TDRD3: variants seen among roughly 807,000 people sequenced by gnomAD.
The protein encoded by TDRD3 is tudor domain containing 3.
Under a neutral mutation model 86.7 loss-of-function variants are expected in TDRD3, and 45 were observed. The observed-to-expected ratio is 0.52, with a 90% CI of 0.41 to 0.67. The LOEUF is 0.67. TDRD3 is among the 30% of genes least tolerant of loss of function. TDRD3 has a pLI of 0.00. For missense variants in TDRD3, 814 were observed against 889.0 expected (o/e 0.92, Z 1.07); for synonymous variants, 298 against 301.7 (o/e 0.99, Z 0.13).
chr13:60,453,685 G>A (rs575345094), intron 3 of TDRD3, among the ~76,000 whole-genome samples: 1 of 152,282 alleles, frequency 6.6e-6, no homozygotes, highest in East Asian at 1.9e-4. Flanking sequence ...TAGATCACAA[G>A]ACCCTGCAGG....
chr13:60,569,636 A>C (rs9538753), intron 13 of TDRD3, among the ~76,000 whole-genome samples: 18,099 of 152,214 alleles, frequency 0.12, 1,386 homozygotes, highest in South Asian at 0.26. Context: ...GAGCATAAAG[A>C]AGAAAGCTGG....
intron 1 of TDRD3, among the ~76,000 whole-genome samples, chr13:60,437,241 C>T (rs571940292): frequency 6.7e-6 from 1 of 150,134 alleles, no homozygotes; most frequent in East Asian, 2.0e-4. Flanking sequence ...ATTATCCTGC[C>T]TCAGCCTCCC....
chr13:60,494,717 A>G, intron 8 of TDRD3, 142 bp downstream of exon 8: 1 of 677,530 alleles, frequency 1.5e-6, no homozygotes. Context: ...TAAGGATTAC[A>G]ATTAAATCAT....
At chr13:60,396,289 G>A (rs1409598090), upstream of TDRD3, among the ~76,000 whole-genome samples, 1 of 152,216 alleles carries the variant, frequency 6.6e-6, no homozygotes, top group Non-Finnish European at 1.5e-5. Flanking sequence ...GGACGCCGCA[G>A]AGGTGAAAGA....
At chr13:60,430,404 T>G (rs1954924541) in intron 1 of TDRD3, among the ~76,000 whole-genome samples, 1 of 152,116 alleles carries the variant, frequency 6.6e-6, no homozygotes, top group African/African-American at 2.4e-5. Context: ...GATATATGGT[T>G]TTATAGCCAC....
chr13:60,525,249 C>T (rs1484653677), intron 10 of TDRD3, among the ~76,000 whole-genome samples: 3 of 130,028 alleles, frequency 2.3e-5, no homozygotes, highest in Non-Finnish European at 4.8e-5. Flanking sequence ...TCTTGGCTCA[C>T]TGCATCTTCC....
At chr13:60,565,347 G>A (rs1290898970) in intron 12 of TDRD3, among the ~76,000 whole-genome samples, 1 of 152,060 alleles carries the variant, frequency 6.6e-6, no homozygotes, top group African/African-American at 2.4e-5. Flanking sequence ...GAGCCACCGC[G>A]CCCGGCCGTC....
intron 1 of TDRD3, among the ~76,000 whole-genome samples, chr13:60,399,769 A>G (rs1426543277): frequency 6.6e-6 from 1 of 152,224 alleles, no homozygotes; most frequent in African/African-American, 2.4e-5. Flanking sequence ...TGGACACACT[A>G]TTGTTAAATC....
At chr13:60,547,876 C>T (rs919351293) in intron 12 of TDRD3, among the ~76,000 whole-genome samples, 7 of 152,284 alleles carry the variant, frequency 4.6e-5, no homozygotes, top group African/African-American at 7.2e-5. Context: ...CTTTAATATT[C>T]CCAGAATTAT....
chr13:60,443,111 T>C (rs962186199), intron 2 of TDRD3, among the ~76,000 whole-genome samples: 1 of 151,942 alleles, frequency 6.6e-6, no homozygotes, highest in Non-Finnish European at 1.5e-5. Context: ...GTTCAGATGA[T>C]TAAAAAAAGT....
chr13:60,515,955 A>G (rs1006475620), intron 10 of TDRD3, among the ~76,000 whole-genome samples: 5 of 152,182 alleles, frequency 3.3e-5, no homozygotes, highest in Non-Finnish European at 7.3e-5. Context: ...CATCTTCATA[A>G]TGTTTAATGG....
chr13:60,505,482 C>T (rs189922263), intron 8 of TDRD3, among the ~76,000 whole-genome samples: 1 of 152,292 alleles, frequency 6.6e-6, no homozygotes, highest in Non-Finnish European at 1.5e-5. Flanking sequence ...TGGGACAGAG[C>T]AACTGGGGGA....
intron 5 of TDRD3, among the ~76,000 whole-genome samples, chr13:60,474,061 C>T (rs1463307262): frequency 1.3e-5 from 2 of 152,218 alleles, no homozygotes; most frequent in African/African-American, 4.8e-5. Flanking sequence ...GGTCACGCTC[C>T]TGATCCGCTT....
intron 12 of TDRD3, among the ~76,000 whole-genome samples, chr13:60,559,708 G>T (rs1958287876): frequency 6.6e-6 from 1 of 152,180 alleles, no homozygotes; most frequent in Non-Finnish European, 1.5e-5. Flanking sequence ...TAGAAACAGA[G>T]TAGTATGGTG....
chr13:60,552,101 C>T (rs1277902813), intron 12 of TDRD3, among the ~76,000 whole-genome samples: 1 of 152,206 alleles, frequency 6.6e-6, no homozygotes, highest in African/African-American at 2.4e-5. Flanking sequence ...CAACAGTTCC[C>T]CAAAGTCTTA....
At chr13:60,474,189 T>A (rs1956133690) in intron 5 of TDRD3, among the ~76,000 whole-genome samples, 1 of 152,168 alleles carries the variant, frequency 6.6e-6, no homozygotes, top group South Asian at 2.1e-4. Flanking sequence ...GTCCTCTCTC[T>A]CTCTCCGCCT....
intron 1 of TDRD3, among the ~76,000 whole-genome samples, chr13:60,438,600 A>G (rs560736771): frequency 1.7e-4 from 26 of 152,172 alleles, no homozygotes; most frequent in Non-Finnish European, 3.5e-4. Flanking sequence ...GTACTGTTCT[A>G]ACTATTCACA....
chr13:60,459,660 A>G (rs1955763405), intron 3 of TDRD3, among the ~76,000 whole-genome samples: 1 of 152,234 alleles, frequency 6.6e-6, no homozygotes, highest in Non-Finnish European at 1.5e-5. Context: ...TCGCTCTGTC[A>G]TCCAGGCTGC....
At position 60,484,842 on chromosome 13, in the gene TDRD3, T is replaced by G. The variant is rs917308212; in HGVS notation, c.568-957T>G. On this transcript the variant is annotated intron_variant, in intron 6 of 13. Coordinates refer to ENST00000377881, the MANE Select transcript of TDRD3 (RefSeq NM_001146070.2). ...TAACTTATATTTGAAAATAATAGTA[T>G]ATTTGTAAAAATTTACCCTTAAACA... 31 of 341,774 alleles carry G rather than the reference T, an allele frequency of 9.1e-5. 1 individual carries two copies. Among genetic ancestry groups the G allele is most frequent in the Middle Eastern group, 8.3e-4 (2 of 2,410 alleles). 21.2% of individuals were successfully genotyped at this position (341,774 alleles called of 1,614,324 possible). A position where few individuals can be genotyped will look rare whatever the true frequency, so the allele number is the denominator to read the frequency against.
Sources: allele counts gnomAD v4.1 joint callset (sites outside exome capture counted in the v4.1 genomes callset), GRCh38; gene constraint gnomAD v4.1.1; transcripts MANE v1.5; gene names NCBI Gene and HGNC (gene_info 2026-07-23, HGNC 2026-07-21).